Variants in TOP1MT observed in about 807,000 individuals in gnomAD.
The protein encoded by TOP1MT is DNA topoisomerase I mitochondrial.
A neutral mutation model predicts 73.9 loss-of-function variants in TOP1MT; 80 were observed. That is an observed-to-expected ratio of 1.08 (90% CI 0.90 to 1.30). TOP1MT has a LOEUF of 1.30. Among genes scored for constraint, TOP1MT ranks in the 50% most tolerant of loss-of-function variants. TOP1MT has a pLI of 0.00. For missense variants in TOP1MT, 815 were observed against 808.0 expected (o/e 1.01, Z -0.10); for synonymous variants, 338 against 326.4 (o/e 1.04, Z -0.38).
upstream of TOP1MT, among the ~76,000 whole-genome samples, chr8:143,347,880 C>T (rs561787224): frequency 1.3e-5 from 2 of 152,314 alleles, no homozygotes; most frequent in Admixed American, 1.3e-4. Context: ...GAGGTGAGGA[C>T]GGGTACCTGG....
chr8:143,317,021 G>A (rs920296882), intron 10 of TOP1MT, among the ~76,000 whole-genome samples: 20 of 152,216 alleles, frequency 1.3e-4, no homozygotes, highest in African/African-American at 3.4e-4. Context: ...GCACAGCACC[G>A]GCCTCTGAGG....
chr8:143,322,557 C>CCA (rs142697554), intron 7 of TOP1MT, among the ~76,000 whole-genome samples: 42,372 of 93,604 alleles, frequency 0.45, 11,574 homozygotes, highest in East Asian at 0.74. Flanking sequence ...CACACGCACG[C>CCA]CACACACAGA....
intron 6 of TOP1MT, among the ~76,000 whole-genome samples, 169 bp downstream of exon 6, chr8:143,324,316 T>C (rs904905449): frequency 6.6e-6 from 1 of 152,168 alleles, no homozygotes; most frequent in Non-Finnish European, 1.5e-5. Flanking sequence ...CCATGCCCAC[T>C]CCTGGCTTTG....
At chr8:143,353,550 G>C (rs1490570608) in intron 1 of TOP1MT, among the ~76,000 whole-genome samples, 1 of 152,122 alleles carries the variant, frequency 6.6e-6, no homozygotes. Flanking sequence ...TCTACAGTGA[G>C]TTACACTGAG....
intron 5 of TOP1MT, among the ~76,000 whole-genome samples, chr8:143,324,908 G>A (rs553898104): frequency 2.0e-5 from 3 of 152,302 alleles, no homozygotes; most frequent in Admixed American, 2.0e-4. Context: ...CAACTGGGAC[G>A]ACGAGTGCCC....
At chr8:143,317,615 G>T in intron 10 of TOP1MT, 108 bp downstream of exon 10, 1 of 946,480 alleles carries the variant, frequency 1.1e-6, no homozygotes, top group Non-Finnish European at 1.6e-6. Flanking sequence ...ATTTCCCAAA[G>T]AAGCGGCCCC....
intron 1 of TOP1MT, among the ~76,000 whole-genome samples, chr8:143,352,173 T>G (rs143183533): frequency 1.3e-5 from 2 of 152,212 alleles, no homozygotes; most frequent in Non-Finnish European, 2.9e-5. Flanking sequence ...TTTGCAGAAA[T>G]TGACAACCTG....
At chr8:143,315,486 CAAT>C (rs1469293097) in intron 12 of TOP1MT, among the ~76,000 whole-genome samples, 1 of 152,166 alleles carries the variant, frequency 6.6e-6, no homozygotes, top group Non-Finnish European at 1.5e-5. Flanking sequence ...GCTTTGTATA[CAAT>C]AAATAACAGC....
intron 8 of TOP1MT, among the ~76,000 whole-genome samples, chr8:143,318,662 G>A (rs943987399): frequency 1.1e-4 from 16 of 152,300 alleles, no homozygotes; most frequent in Admixed American, 8.5e-4. Flanking sequence ...CTCCAGGGCG[G>A]AGGTTGCTGT....
chr8:143,350,308 C>CA (rs1817299308), intron 1 of TOP1MT: 1 of 152,186 alleles, frequency 6.6e-6, no homozygotes, highest in Admixed American at 6.6e-5. Flanking sequence ...TATACACCAT[C>CA]ACTCTTTCTT....
upstream of TOP1MT, among the ~76,000 whole-genome samples, chr8:143,347,727 GCCAGC>G (rs1817252224): frequency 1.3e-5 from 2 of 151,938 alleles, no homozygotes; most frequent in African/African-American, 2.4e-5. Context: ...CAGCCAGCCA[GCCAGC>G]GGGGAAGAGT....
At chr8:143,309,897 G>A in intron 13 of TOP1MT, 171 bp downstream of exon 13, 1 of 1,570,584 alleles carries the variant, frequency 6.4e-7, no homozygotes, top group African/African-American at 1.3e-5. Flanking sequence ...TTCAGGGCAG[G>A]GAGAGCTGAT....
At chr8:143,323,039 C>CCACA (rs1223798899) in intron 7 of TOP1MT, among the ~76,000 whole-genome samples, 2 of 52,310 alleles carry the variant, frequency 3.8e-5, no homozygotes, top group Admixed American at 2.6e-4. Context: ...CACATGCACG[C>CCACA]CACACAGGCA....
intron 8 of TOP1MT, among the ~76,000 whole-genome samples, chr8:143,318,824 C>A (rs977079884): frequency 6.6e-6 from 1 of 152,216 alleles, no homozygotes; most frequent in African/African-American, 2.4e-5. Context: ...CGGGACATGG[C>A]GGGAAGCCCC....
intron 7 of TOP1MT, among the ~76,000 whole-genome samples, chr8:143,322,729 G>A (rs1169630652): frequency 1.7e-4 from 2 of 11,438 alleles, no homozygotes; most frequent in Non-Finnish European, 2.6e-4. Context: ...ACACAGGCAC[G>A]CCACACACGC....
intron 2 of TOP1MT, 50 bp from the exon 3 acceptor site, chr8:143,329,521 C>A (rs746014303): frequency 3.4e-5 from 54 of 1,584,696 alleles, no homozygotes; most frequent in Non-Finnish European, 2.6e-5. Context: ...AGAGGCTCGG[C>A]CTCCAGCTGA....
At chr8:143,332,522 C>G in intron 1 of TOP1MT, 1 of 1,289,448 alleles carries the variant, frequency 7.8e-7, no homozygotes, top group Non-Finnish European at 1.0e-6. Flanking sequence ...TGACCCCAGC[C>G]AGGTAGTGCT....
chr8:143,326,428 C>A, intron 3 of TOP1MT, 84 bp from the exon 4 acceptor site: 1 of 1,572,566 alleles, frequency 6.4e-7, no homozygotes, highest in Non-Finnish European at 8.7e-7. Context: ...CGGACAGAAA[C>A]GCGCTCTCGC....
intron 2 of TOP1MT, chr8:143,343,145 C>T: frequency 2.2e-6 from 1 of 455,774 alleles, no homozygotes; most frequent in Admixed American, 2.4e-5. Context: ...AATAAGCATT[C>T]ATCAGGCATG....
Sources: gnomAD v4.1 joint callset for allele counts (sites outside exome capture counted in the v4.1 genomes callset) on GRCh38, gnomAD v4.1.1 for gene constraint, MANE v1.5 for transcripts, NCBI Gene and HGNC (gene_info 2026-07-23, HGNC 2026-07-21) for gene names.